Variants in MCC observed in about 807,000 individuals in gnomAD.
MCC encodes the protein MCC regulator of Wnt signaling pathway.
In MCC, 90 loss-of-function variants were observed where a neutral mutation model predicts 116.2. The observed-to-expected ratio is 0.77, with a 90% CI of 0.65 to 0.92. The LOEUF (loss-of-function observed/expected upper bound fraction) is 0.92. MCC is among the 40% of genes least tolerant of loss of function. MCC has a pLI of 0.00. For missense variants in MCC, 1,516 were observed against 1,312.2 expected, an observed-to-expected ratio of 1.16 and a Z score of -2.40; for synonymous variants, 578 against 510.5, an observed-to-expected ratio of 1.13 and a Z score of -1.78.
intron 3 of MCC, among the ~76,000 whole-genome samples, chr5:113,164,497 T>C (rs1016342475): frequency 1.3e-4 from 20 of 152,304 alleles, no homozygotes; most frequent in African/African-American, 4.8e-4. Flanking sequence ...ATGTCAATGT[T>C]CCTTTTGGTA....
chr5:113,389,018 G>A (rs537172311), intron 1 of MCC, among the ~76,000 whole-genome samples: 11 of 152,108 alleles, frequency 7.2e-5, no homozygotes, highest in Non-Finnish European at 1.2e-4. Context: ...AATTAACAAC[G>A]CTTTTATATC....
intron 3 of MCC, among the ~76,000 whole-genome samples, chr5:113,299,125 T>C (rs965860777): frequency 6.6e-6 from 1 of 151,510 alleles, no homozygotes; most frequent in African/African-American, 2.4e-5. Context: ...CCGTCTCTAC[T>C]AAAAATACAA....
intron 3 of MCC, among the ~76,000 whole-genome samples, chr5:113,227,704 T>A (rs1053676672): frequency 6.6e-6 from 1 of 152,156 alleles, no homozygotes; most frequent in Non-Finnish European, 1.5e-5. Flanking sequence ...ATAAGCAAGA[T>A]CCAAATCTTA....
At chr5:113,470,863 G>T (rs1209397411) in intron 1 of MCC, among the ~76,000 whole-genome samples, 1 of 152,106 alleles carries the variant, frequency 6.6e-6, no homozygotes, top group African/African-American at 2.4e-5. Flanking sequence ...ATATTTCTTG[G>T]AGACTTTGTT....
chr5:113,330,324 T>A lies in MCC; in HGVS notation c.627+10195A>T, dbSNP rs575573620. Among the ~76,000 whole-genome samples the A allele has an allele frequency of 2.3e-4, 35 of 152,352 alleles. No individual in the cohort carries two copies. In the South Asian group the frequency reaches 7.0e-3, roughly 31 times the overall value. ...CTGTGAAATTTAATTTGTCTAAACT[T>A]ATTCTTTTAATACCTCTGCACATAC... is the stretch of plus-strand genomic sequence containing the variant. On this transcript the variant is annotated intron_variant, in intron 3 of 18. Coordinates refer to ENST00000408903, the MANE Select transcript of MCC (RefSeq NM_001085377.2).
intron 1 of MCC, among the ~76,000 whole-genome samples, chr5:113,416,765 T>C (rs987784994): frequency 4.6e-5 from 7 of 152,182 alleles, no homozygotes; most frequent in Non-Finnish European, 5.9e-5. Flanking sequence ...TTGTACCACA[T>C]ACATATATTA....
At chr5:113,466,697 C>G (rs1204761202) in intron 1 of MCC, among the ~76,000 whole-genome samples, 4 of 151,996 alleles carry the variant, frequency 2.6e-5, no homozygotes, top group Non-Finnish European at 4.4e-5. Flanking sequence ...GGGTATATAC[C>G]CAGTAATGGA....
chr5:113,370,310 CTG>C (rs1256485438), intron 2 of MCC, among the ~76,000 whole-genome samples: 4 of 152,174 alleles, frequency 2.6e-5, no homozygotes, highest in African/African-American at 9.7e-5. Flanking sequence ...CCTTTGGACA[CTG>C]AGGCCCAAAA....
chr5:113,353,701 C>A (rs1000502194), intron 2 of MCC, among the ~76,000 whole-genome samples: 2 of 152,184 alleles, frequency 1.3e-5, no homozygotes, highest in African/African-American at 2.4e-5. Flanking sequence ...TGGTTAGGCT[C>A]CCTATACCAG....
chr5:113,089,526 C>A (rs977741277), intron 8 of MCC, among the ~76,000 whole-genome samples: 1 of 152,092 alleles, frequency 6.6e-6, no homozygotes, highest in Admixed American at 6.5e-5. Context: ...ATACAGTCAG[C>A]GAAGTGGGAA....
chr5:113,471,075 A>G (rs1036930990), intron 1 of MCC, among the ~76,000 whole-genome samples: 1 of 152,018 alleles, frequency 6.6e-6, no homozygotes, highest in Non-Finnish European at 1.5e-5. Flanking sequence ...CTAGTTATCC[A>G]TTCATCTAAT....
intron 1 of MCC, among the ~76,000 whole-genome samples, chr5:113,464,607 T>G: frequency 1.4e-5 from 1 of 70,466 alleles, no homozygotes; most frequent in South Asian, 6.0e-4. Context: ...CATATCATGC[T>G]TTGTTTTTGT....
chr5:113,110,274 C>T (rs1233655270), intron 6 of MCC, among the ~76,000 whole-genome samples: 2 of 152,176 alleles, frequency 1.3e-5, no homozygotes, highest in African/African-American at 2.4e-5. Flanking sequence ...GGGGAAAACA[C>T]GGTGACTGGA....
At chr5:113,255,733 A>G (rs1581325263) in intron 3 of MCC, among the ~76,000 whole-genome samples, 1 of 152,166 alleles carries the variant, frequency 6.6e-6, no homozygotes, top group South Asian at 2.1e-4. Flanking sequence ...CGTGGCCCCA[A>G]CCACAGGCTA....
chr5:113,347,886 G>A (rs13157609), intron 2 of MCC, among the ~76,000 whole-genome samples: 64,852 of 151,804 alleles, frequency 0.43, 15,202 homozygotes, highest in African/African-American at 0.62. Flanking sequence ...AGGGATGAAA[G>A]AAGATATTCC....
At chr5:113,466,487 T>A (rs915940893) in intron 1 of MCC, among the ~76,000 whole-genome samples, 4 of 152,044 alleles carry the variant, frequency 2.6e-5, no homozygotes, top group African/African-American at 9.7e-5. Context: ...TCCAGTTTCA[T>A]CCATGTCCCT....
chr5:113,280,695 G>C (rs1392720275), intron 3 of MCC, among the ~76,000 whole-genome samples: 2 of 152,206 alleles, frequency 1.3e-5, no homozygotes, highest in African/African-American at 4.8e-5. Context: ...TGTTTTGAGA[G>C]GGCAGGAGGG....
At chr5:113,250,465 C>T (rs773507479) in intron 3 of MCC, among the ~76,000 whole-genome samples, 1 of 152,220 alleles carries the variant, frequency 6.6e-6, no homozygotes, top group Non-Finnish European at 1.5e-5. Flanking sequence ...CTTGAGTCAT[C>T]ATCCCAGTGC....
At chr5:113,064,296 C>G in intron 13 of MCC, 129 bp from the exon 14 acceptor site, 1 of 787,456 alleles carries the variant, frequency 1.3e-6, no homozygotes, top group Non-Finnish European at 2.0e-6. Context: ...TGGCAGTGCC[C>G]AGCCGAAGAG....
Sources: gnomAD v4.1 joint callset for allele counts (sites outside exome capture counted in the v4.1 genomes callset) on GRCh38, gnomAD v4.1.1 for gene constraint, MANE v1.5 for transcripts, NCBI Gene and HGNC (gene_info 2026-07-23, HGNC 2026-07-21) for gene names.